Variants in CNTNAP2 observed in about 807,000 individuals in gnomAD.
The protein encoded by CNTNAP2 is contactin-associated protein-like 2.
CNTNAP2 carries 98 observed loss-of-function variants against 155.2 expected under a neutral mutation model. The observed-to-expected ratio is 0.63, with a 90% CI of 0.54 to 0.75. The LOEUF (loss-of-function observed/expected upper bound fraction) is 0.75. Ranked by LOEUF, CNTNAP2 falls within the 30% of genes least tolerant of loss-of-function variation. The pLI is 0.00. For synonymous variants in CNTNAP2, 651 were observed against 631.2 expected (o/e 1.03, Z -0.47); for missense variants, 1,727 against 1,688.1 (o/e 1.02, Z -0.40).
intron 18 of CNTNAP2, among the ~76,000 whole-genome samples, chr7:148,180,965 A>T (rs1007648996): frequency 2.6e-5 from 4 of 152,208 alleles, no homozygotes; most frequent in Non-Finnish European, 5.9e-5. Context: ...GGCTGCAGAG[A>T]ACAAAAACAG....
intron 1 of CNTNAP2, among the ~76,000 whole-genome samples, chr7:146,440,566 C>G (rs1796306719): frequency 6.6e-6 from 1 of 151,486 alleles, no homozygotes; most frequent in Admixed American, 6.6e-5. Context: ...ACTGGTTATG[C>G]TGTCTGTGTG....
At chr7:146,637,830 C>T (rs1452692958) in intron 1 of CNTNAP2, among the ~76,000 whole-genome samples, 1 of 152,050 alleles carries the variant, frequency 6.6e-6, no homozygotes, top group Non-Finnish European at 1.5e-5. Flanking sequence ...AAATAAGATA[C>T]CAGTTTAATT....
chr7:148,283,312 G>T (rs28559704), intron 21 of CNTNAP2, among the ~76,000 whole-genome samples: 1 of 66,268 alleles, frequency 1.5e-5, no homozygotes, highest in Non-Finnish European at 2.8e-5. Context: ...AGAAAGGAAG[G>T]AAGGAAGGAA....
chr7:147,249,786 T>C (rs1164793637), intron 8 of CNTNAP2, among the ~76,000 whole-genome samples: 2 of 152,020 alleles, frequency 1.3e-5, no homozygotes, highest in African/African-American at 2.4e-5. Flanking sequence ...TGGGCAGTAA[T>C]TTTAGTCAAT....
At chr7:147,833,315 C>T (rs948392382) in intron 13 of CNTNAP2, among the ~76,000 whole-genome samples, 1 of 152,034 alleles carries the variant, frequency 6.6e-6, no homozygotes, top group Non-Finnish European at 1.5e-5. Flanking sequence ...AATTAAGGAG[C>T]TGCGTGATCT....
intron 8 of CNTNAP2, among the ~76,000 whole-genome samples, chr7:147,229,052 T>TAGAG (rs67269876): frequency 1.4e-4 from 21 of 151,470 alleles, no homozygotes; most frequent in African/African-American, 3.9e-4. Flanking sequence ...TATATATATA[T>TAGAG]ATATAGAGAG....
chr7:147,239,541 G>T (rs938178691), intron 8 of CNTNAP2, among the ~76,000 whole-genome samples: 2 of 151,282 alleles, frequency 1.3e-5, no homozygotes, highest in Non-Finnish European at 2.9e-5. Context: ...CACTTTATTG[G>T]TACGCATTCA....
intron 12 of CNTNAP2, among the ~76,000 whole-genome samples, chr7:147,569,172 C>A (rs1187709309): frequency 1.3e-5 from 2 of 152,158 alleles, no homozygotes; most frequent in Non-Finnish European, 2.9e-5. Flanking sequence ...CTGTTCGTGT[C>A]TTTTTAATCT....
chr7:146,511,143 C>A (rs1333471906), intron 1 of CNTNAP2, among the ~76,000 whole-genome samples: 1 of 152,104 alleles, frequency 6.6e-6, no homozygotes, highest in African/African-American at 2.4e-5. Flanking sequence ...CGTGATCCAC[C>A]CTCCTCAGCC....
chr7:146,875,348 C>T (rs2129208065), intron 3 of CNTNAP2, among the ~76,000 whole-genome samples: 1 of 152,268 alleles, frequency 6.6e-6, no homozygotes, highest in South Asian at 2.1e-4. Context: ...CAATGTTCCC[C>T]ACAGCTTGAT....
chr7:147,047,275 A>ATTT (rs35453952), intron 4 of CNTNAP2, among the ~76,000 whole-genome samples: 3 of 111,386 alleles, frequency 2.7e-5, no homozygotes, highest in South Asian at 3.1e-4. Context: ...CGCCCGGCTA[A>ATTT]TTTTTTTTTT....
At chr7:147,694,400 A>G (rs1321222956) in intron 13 of CNTNAP2, among the ~76,000 whole-genome samples, 2 of 152,124 alleles carry the variant, frequency 1.3e-5, no homozygotes, top group Non-Finnish European at 2.9e-5. Context: ...CCTTCTAGAT[A>G]AGATTCTAGA....
intron 16 of CNTNAP2, among the ~76,000 whole-genome samples, chr7:148,119,222 T>C (rs1563205339): frequency 6.6e-6 from 1 of 152,006 alleles, no homozygotes; most frequent in South Asian, 2.1e-4. Context: ...ACACTCAGCA[T>C]ATCAAAAAGT....
intron 1 of CNTNAP2, among the ~76,000 whole-genome samples, chr7:146,635,883 A>C (rs1007956310): frequency 7.2e-5 from 11 of 152,092 alleles, no homozygotes; most frequent in Admixed American, 7.2e-4. Flanking sequence ...AGAGCACCGA[A>C]ATGCCTGTCT....
At chr7:146,931,240 C>A (rs1054483510) in intron 3 of CNTNAP2, among the ~76,000 whole-genome samples, 1 of 152,144 alleles carries the variant, frequency 6.6e-6, no homozygotes, top group Admixed American at 6.6e-5. Context: ...AACTGTCTCT[C>A]AGACCACAGT....
intron 16 of CNTNAP2, among the ~76,000 whole-genome samples, chr7:148,145,080 T>A (rs985189451): frequency 2.6e-5 from 4 of 152,072 alleles, no homozygotes; most frequent in African/African-American, 9.7e-5. Flanking sequence ...TCACAGTGGG[T>A]CTTTCAGATC....
At chr7:148,365,097 C>G (rs901305739) in intron 21 of CNTNAP2, among the ~76,000 whole-genome samples, 2 of 152,196 alleles carry the variant, frequency 1.3e-5, no homozygotes, top group African/African-American at 4.8e-5. Flanking sequence ...GACCAAGAAC[C>G]CACCAGTTCC....
intron 9 of CNTNAP2, among the ~76,000 whole-genome samples, chr7:147,389,768 T>C (rs890666920): frequency 4.5e-4 from 68 of 152,232 alleles, no homozygotes; most frequent in Non-Finnish European, 1.8e-4. Flanking sequence ...CATTGTCAGA[T>C]TGTAGAAACC....
At chr7:147,818,502 C>T (rs945164965) in intron 13 of CNTNAP2, among the ~76,000 whole-genome samples, 4 of 152,044 alleles carry the variant, frequency 2.6e-5, no homozygotes, top group Admixed American at 6.6e-5. Flanking sequence ...ATGGATGCCC[C>T]GTGCACTCAC....
Sources: gnomAD v4.1 joint callset for allele counts (sites outside exome capture counted in the v4.1 genomes callset) on GRCh38, gnomAD v4.1.1 for gene constraint, MANE v1.5 for transcripts, NCBI Gene and HGNC (gene_info 2026-07-23, HGNC 2026-07-21) for gene names.